Variants in CDC42BPB observed in about 807,000 individuals in gnomAD.
The protein encoded by CDC42BPB is serine/threonine-protein kinase MRCK beta.
In CDC42BPB, 37 loss-of-function variants were observed where a neutral mutation model predicts 214.9. That is an observed-to-expected ratio of 0.17 (90% CI 0.13 to 0.23). The LOEUF (loss-of-function observed/expected upper bound fraction) is 0.23, where lower values mean the gene tolerates loss of function less well. Ranked by LOEUF, CDC42BPB falls within the 10% of genes least tolerant of loss-of-function variation. The pLI is 1.00. For missense variants in CDC42BPB, 1,694 were observed against 2,227.0 expected (o/e 0.76, Z 4.82); for synonymous variants, 931 against 884.0 (o/e 1.05, Z -0.94).
chr14:102,983,466 T>C (rs997522254), intron 7 of CDC42BPB, 90 bp downstream of exon 7: 80 of 1,559,168 alleles, frequency 5.1e-5, no homozygotes, highest in Non-Finnish European at 6.6e-5. Context: ...CTCGCGTTGC[T>C]TCCTAACGGA....
At chr14:102,945,951 TG>T (rs1299884369) in intron 28 of CDC42BPB, among the ~76,000 whole-genome samples, 1 of 152,142 alleles carries the variant, frequency 6.6e-6, no homozygotes, top group African/African-American at 2.4e-5. Context: ...TGGGTGTGTG[TG>T]GGGCTCCTGG....
chr14:102,946,707 G>A (rs1376593133), intron 27 of CDC42BPB, 23 bp from the exon 28 acceptor site: 3 of 1,610,356 alleles, frequency 1.9e-6, no homozygotes, highest in Non-Finnish European at 2.5e-6. Context: ...AAACAGAAGA[G>A]AAGAGAGAAG....
At chr14:102,967,812 TTCGGCCGG>T (rs1893284898) in intron 16 of CDC42BPB, among the ~76,000 whole-genome samples, 1 of 152,112 alleles carries the variant, frequency 6.6e-6, no homozygotes, top group Admixed American at 6.5e-5. Flanking sequence ...GACACCAAAC[TTCGGCCGG>T]CGCAGTGGCT....
At chr14:103,024,731 A>G (rs1253423094) in intron 1 of CDC42BPB, among the ~76,000 whole-genome samples, 1 of 152,156 alleles carries the variant, frequency 6.6e-6, no homozygotes, top group Non-Finnish European at 1.5e-5. Flanking sequence ...GGCAGCTTCC[A>G]CTTTCTGAAC....
rs541970140 is a variant in CDC42BPB at position 103,041,576 on chromosome 14, C to T, written c.175+15423G>A. 5.2e-6 allele frequency: 6 copies of T among 1,147,510 alleles called. No individual in the cohort carries two copies. The East Asian group carries it at 1.2e-4, about 24-fold the overall frequency. The allele number at this position is 1,147,510 out of a possible 1,614,324, so 71.1% of individuals were successfully genotyped here. A position where few individuals can be genotyped will look rare whatever the true frequency, so the allele number is the denominator to read the frequency against. On this transcript the variant is annotated intron_variant, in intron 1 of 36. Coordinates refer to ENST00000361246, the MANE Select transcript of CDC42BPB (RefSeq NM_006035.4). ...GGCCCGAAGATCCGCAGATGCAAGG[C>T]CGGGCAAGCTAAAGTGCCCCACATT... is the stretch of plus-strand genomic sequence containing the variant.
At position 102,999,553 on chromosome 14, in the gene CDC42BPB, G is replaced by A. The variant is rs1341933481; in HGVS notation, c.596+12C>T. 3.1e-6 allele frequency: 5 copies of A among 1,613,024 alleles called. No individual in the cohort carries two copies. In the Admixed American group the frequency reaches 8.3e-5, roughly 27 times the overall value. On this transcript the variant is annotated intron_variant, in intron 5 of 36. Transcript: ENST00000361246. ...AACGTGGTTTCCATAAAATATATCA[G>A]AAGCCGGTTACCTGTGCACGTAATG...
rs189046633 is a variant in CDC42BPB at position 102,957,478 on chromosome 14, C to T, written c.2901+2153G>A. Reference sequence around the variant, plus strand: ...GGTTCTCTGGAATCCACTTATTCCTCCCCACAGCAGTGCCCGGCTCCGCAG... The same window carrying T: ...GGTTCTCTGGAATCCACTTATTCCTTCCCACAGCAGTGCCCGGCTCCGCAG... On this transcript the variant is annotated intron_variant, in intron 21 of 36. Transcript: ENST00000361246. Among the ~76,000 whole-genome samples, 14 of 152,314 alleles carry T rather than the reference C, an allele frequency of 9.2e-5. No homozygotes were observed. The East Asian group carries it at 2.7e-3, about 29-fold the overall frequency.
intron 13 of CDC42BPB, among the ~76,000 whole-genome samples, chr14:102,970,643 C>T (rs368924172): frequency 5.9e-5 from 9 of 152,210 alleles, no homozygotes; most frequent in East Asian, 1.9e-4. Flanking sequence ...ACACACGTGC[C>T]GGCACCCAGC....
chr14:102,968,432 A>G (rs750384380), intron 15 of CDC42BPB, 40 bp downstream of exon 15: 28 of 1,613,312 alleles, frequency 1.7e-5, no homozygotes, highest in Non-Finnish European at 2.4e-5. Context: ...CGTGGGTATC[A>G]GCTTGCATCT....
At chr14:102,945,572 T>C in intron 29 of CDC42BPB, 90 bp downstream of exon 29, 1 of 1,220,550 alleles carries the variant, frequency 8.2e-7, no homozygotes, top group Non-Finnish European at 1.2e-6. Context: ...CGCATTTGTC[T>C]TAACCCTTAG....
chr14:102,964,397 C>T (rs1893097963), intron 19 of CDC42BPB, 105 bp downstream of exon 19: 4 of 1,381,220 alleles, frequency 2.9e-6, no homozygotes, highest in African/African-American at 1.5e-5. Context: ...AACGCCGTGG[C>T]CCCGATTTTC....
rs1295995685 is a variant in CDC42BPB at position 102,975,938 on chromosome 14, C to G, written c.1332G>C (p.Glu444Asp). The G allele has an allele frequency of 6.2e-7, 1 of 1,614,230 alleles. No homozygotes were observed. Among genetic ancestry groups the G allele is most frequent in the Non-Finnish European group, 8.5e-7 (1 of 1,180,044 alleles). Residue 444 changes from glutamate to aspartate, a missense_variant, in exon 10 of 37, where the codon GAG becomes GAC. Glu to Asp is a conservative substitution (Grantham distance 45, BLOSUM62 2). Coordinates refer to ENST00000361246, the MANE Select transcript of CDC42BPB (RefSeq NM_006035.4). ...LEHSLQMEAY[E>D]RRIRRLEQEK... is the part of the protein sequence containing the mutation. ...CCTGTTCCAGCCTCCGAATCCTCCTCTCGTAAGCTTCCATCTGCAGGCTGT... is the reference window on the plus strand; with the variant it reads ...CCTGTTCCAGCCTCCGAATCCTCCTGTCGTAAGCTTCCATCTGCAGGCTGT...
intron 5 of CDC42BPB, among the ~76,000 whole-genome samples, chr14:102,993,886 A>G (rs1894607446): frequency 6.6e-6 from 1 of 152,204 alleles, no homozygotes; most frequent in Admixed American, 6.5e-5. Context: ...GACTGGAACA[A>G]ACTGGTTCTT....
chr14:103,021,666 C>G (rs967912213), intron 1 of CDC42BPB, among the ~76,000 whole-genome samples: 1 of 128,626 alleles, frequency 7.8e-6, no homozygotes, highest in Non-Finnish European at 1.6e-5. Flanking sequence ...GGCAACAAAG[C>G]AAGACCTAGT....
rs753718027 is a variant in CDC42BPB, at chr14:102,976,054, G to T, written c.1221-5C>A. ...GAGCCTCGATCAGAAAAACAGCTGG[G>T]AAACCAAGCAACAGGTTTTTTTGAT... On this transcript the variant is annotated splice_polypyrimidine_tract_variant and splice_region_variant and intron_variant, in intron 9 of 36. Transcript: ENST00000361246. 1.6e-5 allele frequency: 26 copies of T among 1,606,928 alleles called. No individual in the cohort carries two copies. Among genetic ancestry groups the T allele is most frequent in the Non-Finnish European group, 2.2e-5 (26 of 1,174,540 alleles).
At chr14:102,976,156 A>G in intron 9 of CDC42BPB, 107 bp from the exon 10 acceptor site, 1 of 1,511,088 alleles carries the variant, frequency 6.6e-7, no homozygotes, top group Non-Finnish European at 8.8e-7. Flanking sequence ...ATCAGCAAAC[A>G]AAAACACCTG....
At chr14:103,053,604 A>T (rs1233187417) in intron 1 of CDC42BPB, among the ~76,000 whole-genome samples, 1 of 150,068 alleles carries the variant, frequency 6.7e-6, no homozygotes, top group Non-Finnish European at 1.5e-5. Context: ...TACTAAAAAT[A>T]CAAAAAAATT....
intron 1 of CDC42BPB, among the ~76,000 whole-genome samples, chr14:103,030,157 C>A (rs899722883): frequency 6.6e-6 from 1 of 152,258 alleles, no homozygotes; most frequent in Non-Finnish European, 1.5e-5. Flanking sequence ...AGCCCGGCCT[C>A]ACCTTGCCCG....
chr14:103,000,202 G>C (rs1229861482), intron 4 of CDC42BPB, among the ~76,000 whole-genome samples: 7 of 152,234 alleles, frequency 4.6e-5, no homozygotes, highest in African/African-American at 1.4e-4. Flanking sequence ...TTACTTATAG[G>C]TTCACTCCAA....
Sources: allele counts gnomAD v4.1 joint callset (sites outside exome capture counted in the v4.1 genomes callset), GRCh38; gene constraint gnomAD v4.1.1; transcripts MANE v1.5; gene names NCBI Gene and HGNC (gene_info 2026-07-23, HGNC 2026-07-21).